Variants in HECW2 observed in about 807,000 individuals in gnomAD.
HECW2 encodes E3 ubiquitin-protein ligase HECW2.
In HECW2, 61 loss-of-function variants were observed where a neutral mutation model predicts 175.2. The observed-to-expected ratio is 0.35, with a 90% confidence interval of 0.28 to 0.43. The LOEUF (loss-of-function observed/expected upper bound fraction) is 0.43. HECW2 is among the 20% of genes least tolerant of loss of function. HECW2 has a pLI of 1.00. For missense variants in HECW2, 1,524 were observed against 2,000.5 expected (o/e 0.76, Z 4.54); for synonymous variants, 671 against 731.0 (o/e 0.92, Z 1.32).
chr2:196,555,585 T>G (rs996977538), intron 1 of HECW2, among the ~76,000 whole-genome samples: 4 of 151,798 alleles, frequency 2.6e-5, no homozygotes, highest in African/African-American at 9.7e-5. Context: ...ATGATAAGAG[T>G]ACACTTCAGA....
chr2:196,413,327 C>G (rs528048175), intron 2 of HECW2, among the ~76,000 whole-genome samples: 113 of 152,172 alleles, frequency 7.4e-4, no homozygotes, highest in African/African-American at 2.6e-3. Flanking sequence ...TGCACTCCAG[C>G]CTGGGTGACA....
At chr2:196,492,726 A>C (rs1687245129) in intron 1 of HECW2, among the ~76,000 whole-genome samples, 1 of 152,238 alleles carries the variant, frequency 6.6e-6, no homozygotes, top group African/African-American at 2.4e-5. Context: ...TACTCAAAAG[A>C]GTAATATCAG....
chr2:196,532,939 A>G (rs1335433872), intron 1 of HECW2, among the ~76,000 whole-genome samples: 2 of 152,340 alleles, frequency 1.3e-5, no homozygotes, highest in African/African-American at 4.8e-5. Context: ...TTAAGAAAAT[A>G]CACTGAAAAT....
chr2:196,311,837 G>C (rs1380481425), intron 10 of HECW2, among the ~76,000 whole-genome samples: 1 of 152,044 alleles, frequency 6.6e-6, no homozygotes, highest in African/African-American at 2.4e-5. Flanking sequence ...CCTAAACCTT[G>C]CCTAAAATCC....
Position 196,224,874 on chromosome 2 carries a change from C to T in HECW2, c.4016+898G>A, listed in dbSNP as rs144438742. Reference sequence around the variant, plus strand: ...AGAGACAGAAAACGGCACCTGTTCCCCAGTGCTACAGCTGTGAAGACACTG... The same window carrying T: ...AGAGACAGAAAACGGCACCTGTTCCTCAGTGCTACAGCTGTGAAGACACTG... On this transcript the variant is annotated intron_variant, in intron 23 of 28. Coordinates refer to ENST00000644978, the MANE Select transcript of HECW2 (RefSeq NM_001348768.2). Among the ~76,000 whole-genome samples, 252 of 152,268 alleles carry T rather than the reference C, an allele frequency of 1.7e-3. 12 individuals carry two copies. The East Asian group carries it at 0.038, about 23-fold the overall frequency.
At chr2:196,207,381 T>C (rs1248350354) in intron 28 of HECW2, among the ~76,000 whole-genome samples, 1 of 151,134 alleles carries the variant, frequency 6.6e-6, no homozygotes, top group Admixed American at 6.5e-5. Context: ...TTAACACAAC[T>C]AATGGTAAAA....
intron 2 of HECW2, among the ~76,000 whole-genome samples, chr2:196,431,124 A>G (rs1298089936): frequency 2.0e-5 from 3 of 152,200 alleles, no homozygotes; most frequent in African/African-American, 7.2e-5. Flanking sequence ...GCTTCTTGAA[A>G]TAAACTGATG....
intron 2 of HECW2, among the ~76,000 whole-genome samples, chr2:196,380,195 C>A (rs535337905): frequency 6.6e-6 from 1 of 152,200 alleles, no homozygotes; most frequent in African/African-American, 2.4e-5. Flanking sequence ...TGCTTAAATG[C>A]ACTCAATCAG....
At chr2:196,216,701 T>C (rs1687488220) in intron 27 of HECW2, among the ~76,000 whole-genome samples, 1 of 152,150 alleles carries the variant, frequency 6.6e-6, no homozygotes, top group African/African-American at 2.4e-5. Context: ...GCCTGCACTT[T>C]GGGTACCCTG....
chr2:196,545,918 C>CA (rs1298449068), intron 1 of HECW2, among the ~76,000 whole-genome samples: 1 of 152,116 alleles, frequency 6.6e-6, no homozygotes, highest in African/African-American at 2.4e-5. Context: ...ATTCTGGCAT[C>CA]AAAAAATCAC....
chr2:196,480,029 C>T (rs1686787953), intron 1 of HECW2, among the ~76,000 whole-genome samples: 1 of 152,118 alleles, frequency 6.6e-6, no homozygotes, highest in Admixed American at 6.6e-5. Context: ...ATTGTCTTTC[C>T]TGGCACACCA....
At chr2:196,316,227 G>A (rs1240543912) in intron 10 of HECW2, 1 of 152,198 alleles carries the variant, frequency 6.6e-6, no homozygotes, top group Non-Finnish European at 1.5e-5. Context: ...ACAAGGGAAA[G>A]ATCTGTGCCC....
intron 28 of HECW2, among the ~76,000 whole-genome samples, chr2:196,204,621 C>T (rs945108836): frequency 6.6e-6 from 1 of 152,224 alleles, no homozygotes; most frequent in Non-Finnish European, 1.5e-5. Flanking sequence ...GAAGACCCAG[C>T]TAAGCTGTGC....
chr2:196,282,533 G>A (rs1338074076), intron 14 of HECW2, among the ~76,000 whole-genome samples: 2 of 152,124 alleles, frequency 1.3e-5, no homozygotes, highest in South Asian at 2.1e-4. Context: ...CTGGAAAGGC[G>A]AGACAACTGG....
intron 1 of HECW2, among the ~76,000 whole-genome samples, chr2:196,442,021 C>A (rs1038206115): frequency 6.6e-6 from 1 of 151,968 alleles, no homozygotes; most frequent in African/African-American, 2.4e-5. Context: ...AAGGGATGTA[C>A]ACAAATAGAA....
intron 28 of HECW2, among the ~76,000 whole-genome samples, chr2:196,211,903 T>C (rs958779048): frequency 6.6e-6 from 1 of 152,112 alleles, no homozygotes; most frequent in African/African-American, 2.4e-5. Context: ...AGTGCAGCAT[T>C]GCCATCTCGG....
intron 1 of HECW2, among the ~76,000 whole-genome samples, chr2:196,440,711 C>A (rs1696013705): frequency 6.6e-6 from 1 of 152,116 alleles, no homozygotes; most frequent in South Asian, 2.1e-4. Context: ...AGAAAATTAT[C>A]CACGTTCTTT....
At chr2:196,331,980 C>A (rs1247364804) in intron 4 of HECW2, among the ~76,000 whole-genome samples, 1 of 152,192 alleles carries the variant, frequency 6.6e-6, no homozygotes, top group Non-Finnish European at 1.5e-5. Context: ...TGAGTAATGG[C>A]AGCCTTAATT....
chr2:196,522,137 A>G lies in HECW2; in HGVS notation c.-36+71371T>C, dbSNP rs536699539. On this transcript the variant is annotated intron_variant, in intron 1 of 28. Transcript: ENST00000644978. ...GTTCCTATTTCTCCACATCCTCTCC[A>G]GCATCTGTTGTTTCCTGACTTTTTA... Among the ~76,000 whole-genome samples, 1,250 of 152,222 alleles carry G rather than the reference A, an allele frequency of 8.2e-3. 17 individuals are homozygous for G. Among genetic ancestry groups the G allele is most frequent in the Non-Finnish European group, 0.01 (707 of 68,030 alleles).
Sources: gnomAD v4.1 joint callset for allele counts (sites outside exome capture counted in the v4.1 genomes callset) on GRCh38, gnomAD v4.1.1 for gene constraint, MANE v1.5 for transcripts, NCBI Gene and HGNC (gene_info 2026-07-23, HGNC 2026-07-21) for gene names.